Variants in SLC2A13 observed in about 807,000 individuals in gnomAD.
SLC2A13 encodes solute carrier family 2 member 13.
Under a neutral mutation model 64.4 loss-of-function variants are expected in SLC2A13, and 32 were observed. The ratio of observed to expected loss-of-function variants is 0.50; its 90% confidence interval spans 0.37 to 0.67. The LOEUF is 0.67. Ranked by LOEUF, SLC2A13 falls within the 30% of genes least tolerant of loss-of-function variation. SLC2A13 has a pLI of 0.00. For synonymous variants in SLC2A13, 338 were observed against 327.1 expected (o/e 1.03, Z -0.36); for missense variants, 743 against 829.2 (o/e 0.90, Z 1.28).
chr12:39,787,533 T>C (rs1327610622), intron 7 of SLC2A13, among the ~76,000 whole-genome samples: 1 of 152,192 alleles, frequency 6.6e-6, no homozygotes, highest in Non-Finnish European at 1.5e-5. Flanking sequence ...CCAGGCATAC[T>C]ACTTTTCTTA....
chr12:39,795,166 C>T (rs1329282739), intron 7 of SLC2A13, among the ~76,000 whole-genome samples: 3 of 151,924 alleles, frequency 2.0e-5, no homozygotes, highest in South Asian at 2.1e-4. Context: ...ATTATCCTAA[C>T]GTCTCTTATA....
intron 4 of SLC2A13, among the ~76,000 whole-genome samples, chr12:39,893,547 G>A (rs781649147): frequency 4.6e-5 from 7 of 152,158 alleles, no homozygotes; most frequent in East Asian, 1.9e-4. Flanking sequence ...TGATCTGCCC[G>A]CCTTGGTCTC....
chr12:39,775,677 A>G (rs778188497), intron 7 of SLC2A13, among the ~76,000 whole-genome samples: 1 of 152,254 alleles, frequency 6.6e-6, no homozygotes, highest in East Asian at 1.9e-4. Context: ...AGTGGGTAAG[A>G]TATCAAACTA....
At chr12:39,781,855 A>T (rs1158929807) in intron 7 of SLC2A13, among the ~76,000 whole-genome samples, 1 of 152,200 alleles carries the variant, frequency 6.6e-6, no homozygotes, top group Non-Finnish European at 1.5e-5. Context: ...CATACCCTGG[A>T]GGAAGGGATT....
rs1461535446 is a variant in SLC2A13, at chr12:39,929,476, G to A, written c.1034+21781C>T. Among the ~76,000 whole-genome samples the A allele has an allele frequency of 4.6e-5, 7 of 151,880 alleles. No individual in the cohort carries two copies. The East Asian group carries it at 1.2e-3, about 25-fold the overall frequency. ...TGAGGCAGGAGAATCGCTTGAACCC[G>A]GGAGGCAGAGGTTGCAGTGAGCCGA... is the stretch of plus-strand genomic sequence containing the variant. On this transcript the variant is annotated intron_variant, in intron 4 of 9. Transcript: ENST00000280871.
chr12:40,013,827 C>T (rs1382062203), intron 3 of SLC2A13, among the ~76,000 whole-genome samples: 1 of 152,206 alleles, frequency 6.6e-6, no homozygotes, highest in Admixed American at 6.5e-5. Context: ...GAACAACCTT[C>T]AGCACCTGAT....
chr12:39,984,190 C>T (rs368877827), intron 3 of SLC2A13, among the ~76,000 whole-genome samples: 5 of 131,482 alleles, frequency 3.8e-5, no homozygotes, highest in African/African-American at 1.4e-4. Flanking sequence ...GGGGTGGGGG[C>T]AGGGGGGAGG....
At chr12:39,943,919 G>GC (rs1946088063) in intron 4 of SLC2A13, among the ~76,000 whole-genome samples, 1 of 152,016 alleles carries the variant, frequency 6.6e-6, no homozygotes, top group South Asian at 2.1e-4. Context: ...AGCTGCAGGA[G>GC]TTTTTTTTCA....
intron 4 of SLC2A13, among the ~76,000 whole-genome samples, chr12:39,931,207 C>A (rs943882691): frequency 1.3e-5 from 2 of 152,116 alleles, no homozygotes; most frequent in Admixed American, 6.5e-5. Flanking sequence ...TCTTGCGCCC[C>A]CTCCCTCCCT....
chr12:39,791,100 A>C (rs1310953292), intron 7 of SLC2A13, among the ~76,000 whole-genome samples: 1 of 150,180 alleles, frequency 6.7e-6, no homozygotes, highest in Admixed American at 6.7e-5. Context: ...GTTTGAGTTC[A>C]TTGTAGATTC....
intron 3 of SLC2A13, among the ~76,000 whole-genome samples, chr12:39,987,241 TAGAC>T (rs1203379409): frequency 6.6e-6 from 1 of 152,208 alleles, no homozygotes; most frequent in Non-Finnish European, 1.5e-5. Context: ...GATTTTAATG[TAGAC>T]AGACAAATAT....
chr12:39,885,161 C>T (rs1565519341), intron 4 of SLC2A13, among the ~76,000 whole-genome samples: 1 of 152,136 alleles, frequency 6.6e-6, no homozygotes, highest in Non-Finnish European at 1.5e-5. Context: ...GGCAAAAGAA[C>T]TGAGTGGGGA....
intron 3 of SLC2A13, among the ~76,000 whole-genome samples, chr12:39,963,772 T>C (rs536232857): frequency 1.8e-4 from 28 of 152,326 alleles, no homozygotes; most frequent in African/African-American, 6.5e-4. Flanking sequence ...TATATGGATA[T>C]TGAGTAATAT....
intron 4 of SLC2A13, among the ~76,000 whole-genome samples, chr12:39,872,788 G>T (rs897056073): frequency 2.6e-5 from 4 of 152,198 alleles, no homozygotes; most frequent in African/African-American, 9.6e-5. Flanking sequence ...ACAAAATACT[G>T]CTGGTGAGTC....
At chr12:40,060,923 A>C (rs1948409380) in intron 1 of SLC2A13, among the ~76,000 whole-genome samples, 1 of 152,164 alleles carries the variant, frequency 6.6e-6, no homozygotes, top group African/African-American at 2.4e-5. Context: ...GAATCAAAAG[A>C]CATGACAACA....
intron 1 of SLC2A13, among the ~76,000 whole-genome samples, chr12:40,061,315 G>T (rs1246882787): frequency 6.6e-6 from 1 of 152,012 alleles, no homozygotes; most frequent in African/African-American, 2.4e-5. Flanking sequence ...TTAGTCTTGT[G>T]CAGGAAACAT....
Position 40,105,952 on chromosome 12 carries a change from A to AGCC in SLC2A13, c.-147_-145dup, listed in dbSNP as rs967627454. 9.6e-7 allele frequency: 1 copy of AGCC among 1,037,722 alleles called. No individual in the cohort carries two copies. Among genetic ancestry groups the AGCC allele is most frequent in the Non-Finnish European group, 1.3e-6 (1 of 796,394 alleles). The allele number at this position is 1,037,722 out of a possible 1,614,324, so 64.3% of individuals were successfully genotyped here. A position where few individuals can be genotyped will look rare whatever the true frequency, so the allele number is the denominator to read the frequency against. ...CTTCCGCTCCGGCTGCCACGGCAGCAGCCGCCGCCACGGCCGCTCCGGGGA... is the reference window on the plus strand; with the variant it reads ...CTTCCGCTCCGGCTGCCACGGCAGCAGCCGCCGCCGCCACGGCCGCTCCGGGGA... On this transcript the variant is annotated 5_prime_UTR_variant, in exon 1 of 10. Coordinates refer to ENST00000280871, the MANE Select transcript of SLC2A13 (RefSeq NM_052885.4). This position sits in a 1 kb window ranked among gnomAD's most constrained non-coding sequence, Gnocchi z 4.2.
chr12:40,078,101 A>G (rs1164388061), intron 1 of SLC2A13, among the ~76,000 whole-genome samples: 1 of 152,062 alleles, frequency 6.6e-6, no homozygotes. Context: ...CTGTAGATAG[A>G]TATGGTTTGA....
chr12:39,798,625 C>T (rs1184994343), intron 7 of SLC2A13, among the ~76,000 whole-genome samples: 1 of 152,180 alleles, frequency 6.6e-6, no homozygotes, highest in African/African-American at 2.4e-5. Flanking sequence ...TGTGTTTGGC[C>T]TCGTGGCAGG....
Sources: allele counts gnomAD v4.1 joint callset (sites outside exome capture counted in the v4.1 genomes callset), GRCh38; gene constraint gnomAD v4.1.1; non-coding constraint Gnocchi (gnomAD v3.1); transcripts MANE v1.5; gene names NCBI Gene and HGNC (gene_info 2026-07-23, HGNC 2026-07-21).